Variants in DHRSX observed in about 807,000 individuals in gnomAD.
The protein encoded by DHRSX is polyprenol dehydrogenase.
Under a neutral mutation model 34.0 loss-of-function variants are expected in DHRSX, and 31 were observed. The ratio of observed to expected loss-of-function variants is 0.91; its 90% CI spans 0.69 to 1.23. The LOEUF is 1.23. Among genes scored for constraint, DHRSX ranks in the 50% most tolerant of loss-of-function variants. The pLI is 0.00. For synonymous variants in DHRSX, 201 were observed against 183.8 expected (o/e 1.09, Z -0.76); for missense variants, 414 against 428.1 (o/e 0.97, Z 0.29).
chrX:2,234,441 C>A (rs1259622205), intron 6 of DHRSX, among the ~76,000 whole-genome samples: 2 of 152,026 alleles, frequency 1.3e-5, no homozygotes, highest in South Asian at 2.1e-4. Flanking sequence ...TAGACCCACA[C>A]ACACACATTC....
chrX:2,490,296 A>C (rs745640644), intron 1 of DHRSX: 1 of 1,613,510 alleles, frequency 6.2e-7, no homozygotes, highest in Admixed American at 1.7e-5. Flanking sequence ...TCCACGATGG[A>C]GGCTGGGTAC....
At chrX:2,330,506 T>C (rs1168386336) in intron 3 of DHRSX, among the ~76,000 whole-genome samples, 1 of 114,488 alleles carries the variant, frequency 8.7e-6, no homozygotes, top group African/African-American at 3.5e-5. Flanking sequence ...GGCAACAGAG[T>C]GAGACTCCGT....
chrX:2,361,214 G>A (rs1168352288), intron 3 of DHRSX, among the ~76,000 whole-genome samples: 2 of 151,988 alleles, frequency 1.3e-5, no homozygotes, highest in Non-Finnish European at 2.9e-5. Flanking sequence ...GGGTTCAAGC[G>A]ATTCTCCTGC....
At chrX:2,424,511 G>T (rs753385380) in intron 2 of DHRSX, among the ~76,000 whole-genome samples, 1 of 152,204 alleles carries the variant, frequency 6.6e-6, no homozygotes, top group South Asian at 2.1e-4. Flanking sequence ...CTTACACTGT[G>T]ATATTGAACT....
chrX:2,327,127 A>G (rs767488117), intron 3 of DHRSX, among the ~76,000 whole-genome samples: 1 of 152,292 alleles, frequency 6.6e-6, no homozygotes, highest in East Asian at 1.9e-4. Context: ...TTCAGTTTCT[A>G]TTAGCTTTCA....
At chrX:2,488,445 G>A in intron 1 of DHRSX, 3 of 712,702 alleles carry the variant, frequency 4.2e-6, no homozygotes, top group Non-Finnish European at 6.5e-6. Context: ...AAAGTGCTGC[G>A]ATTATAGACA....
intron 3 of DHRSX, among the ~76,000 whole-genome samples, chrX:2,347,594 T>A (rs1288383957): frequency 6.6e-6 from 1 of 152,146 alleles, no homozygotes; most frequent in Admixed American, 6.5e-5. Flanking sequence ...ATTAAAAGGC[T>A]GAGGCAGGAG....
chrX:2,293,253 G>GTTTTTT (rs778290231), intron 3 of DHRSX, among the ~76,000 whole-genome samples: 1 of 138,990 alleles, frequency 7.2e-6, no homozygotes. Context: ...TGTTAAAGCT[G>GTTTTTT]TTTTTTTTTT....
chrX:2,307,232 G>T (rs1446875749), intron 3 of DHRSX, among the ~76,000 whole-genome samples: 1 of 152,082 alleles, frequency 6.6e-6, no homozygotes, highest in Non-Finnish European at 1.5e-5. Context: ...AATACCACTT[G>T]TTCTCAATTA....
rs778057545 is a variant in DHRSX at position 2,334,170 on chromosome X, C to CTTTTTTTTTTTTTTTTTT, written c.287-42568_287-42567insAAAAAAAAAAAAAAAAAA. 244 of 105,080 alleles carry CTTTTTTTTTTTTTTTTTT rather than the reference C, an allele frequency of 2.3e-3. 52 individuals carry two copies. The highest frequency in any genetic ancestry group is 9.5e-3 in the African/African-American group (231 of 24,192). The allele number at this position is 105,080 out of a possible 1,614,324, so 6.5% of individuals were successfully genotyped here. The stretch of plus-strand genomic sequence containing the variant: ...TCTGTTGTTTTAACTCAAAAGTATG[C>CTTTTTTTTTTTTTTTTTT]TTTTTTTTTTTGAGACACAGTCTTA... On this transcript the variant is annotated intron_variant, in intron 3 of 6. Coordinates refer to ENST00000334651, the MANE Select transcript of DHRSX (RefSeq NM_145177.3).
intron 1 of DHRSX, among the ~76,000 whole-genome samples, chrX:2,483,882 T>G (rs5939476): frequency 1.3e-5 from 2 of 152,016 alleles, no homozygotes; most frequent in Non-Finnish European, 2.9e-5. Context: ...ATTCGTACAT[T>G]TTTTTTCTGA....
At chrX:2,399,002 G>A (rs1487488597) in intron 3 of DHRSX, among the ~76,000 whole-genome samples, 3 of 151,956 alleles carry the variant, frequency 2.0e-5, no homozygotes, top group African/African-American at 4.8e-5. Flanking sequence ...ACAGGCACCC[G>A]CCACCAAGCC....
At chrX:2,323,197 TG>T (rs1387663246) in intron 3 of DHRSX, among the ~76,000 whole-genome samples, 1 of 152,162 alleles carries the variant, frequency 6.6e-6, no homozygotes, top group African/African-American at 2.4e-5. Flanking sequence ...AACAAGCACC[TG>T]GAAGGCAGAA....
At chrX:2,459,244 A>G (rs1438249716) in intron 1 of DHRSX, among the ~76,000 whole-genome samples, 1 of 152,106 alleles carries the variant, frequency 6.6e-6, no homozygotes, top group African/African-American at 2.4e-5. Context: ...AATACATTGC[A>G]TCTTTCAAAA....
chrX:2,298,016 A>G (rs1035805102), intron 3 of DHRSX, among the ~76,000 whole-genome samples: 1 of 152,178 alleles, frequency 6.6e-6, no homozygotes, highest in African/African-American at 2.4e-5. Context: ...TCGGCCTCCC[A>G]AAGTGCTGGG....
chrX:2,221,177 A>T lies in DHRSX; in HGVS notation c.857T>A (p.Leu286Gln). ...TSIYAAVTPE[L>Q]EGVGGHYLYN... ...TAGGTAATGGCCACCAACTCCTTCC[A>T]GCTCTGGGGTGACTGCTGCGTAGAT... The change falls in exon 7 of 7, where the codon CTG becomes CAG. Residue 286 changes from leucine (L) to glutamine (Q), a missense_variant. Transcript: ENST00000334651. The T allele has an allele frequency of 6.2e-7, 1 of 1,613,864 alleles. No individual in the cohort carries two copies.
intron 3 of DHRSX, among the ~76,000 whole-genome samples, chrX:2,397,930 G>GCGCACA (rs1556505705): frequency 2.9e-5 from 4 of 138,430 alleles, no homozygotes; most frequent in African/African-American, 8.8e-5. Flanking sequence ...CTCAGAGCGC[G>GCGCACA]CACACACACA....
rs187229844 is a variant in DHRSX at position 2,231,384 on chromosome X, C to T, written c.805-10155G>A. On this transcript the variant is annotated intron_variant, in intron 6 of 6. Coordinates refer to ENST00000334651, the MANE Select transcript of DHRSX (RefSeq NM_145177.3). ...CTGAGAGAACCTCCCTCTTTCCCTC[C>T]CTCTCTCTCACACCCTTCTCCTTCC... 5.0e-3 allele frequency among the ~76,000 whole-genome samples: 760 copies of T among 151,976 alleles called. 4 individuals are homozygous for T. The highest frequency in any genetic ancestry group is 0.018 in the African/African-American group (735 of 41,454).
At chrX:2,388,554 G>C (rs1266747013) in intron 3 of DHRSX, among the ~76,000 whole-genome samples, 1 of 143,634 alleles carries the variant, frequency 7.0e-6, no homozygotes, top group Non-Finnish European at 1.5e-5. Context: ...GATCTCAGAT[G>C]TCCAGCCTCC....
Sources: gnomAD v4.1 joint callset for allele counts (sites outside exome capture counted in the v4.1 genomes callset) on GRCh38, gnomAD v4.1.1 for gene constraint, MANE v1.5 for transcripts, NCBI Gene and HGNC (gene_info 2026-07-23, HGNC 2026-07-21) for gene names.